XKR6: variants seen among roughly 807,000 people sequenced by gnomAD.
XKR6 encodes XK-related protein 6.
In XKR6, 22 loss-of-function variants were observed where a neutral mutation model predicts 56.7. That is an observed-to-expected ratio of 0.39 (90% confidence interval 0.28 to 0.55). The LOEUF is 0.55. XKR6 is among the 20% of genes least tolerant of loss of function. The pLI is 0.66. For missense variants in XKR6, 852 were observed against 889.0 expected, an observed-to-expected ratio of 0.96 and a Z score of 0.53; for synonymous variants, 524 against 387.8, an observed-to-expected ratio of 1.35 and a Z score of -4.13.
chr8:10,921,724 G>A (rs117049887), intron 2 of XKR6, among the ~76,000 whole-genome samples: 3,881 of 152,262 alleles, frequency 0.025, 73 homozygotes, highest in Middle Eastern at 0.065. Flanking sequence ...CTATCTGTTT[G>A]GGGTGTCAAG....
chr8:10,924,055 C>T (rs947792983), intron 2 of XKR6, among the ~76,000 whole-genome samples: 3 of 152,214 alleles, frequency 2.0e-5, no homozygotes, highest in Non-Finnish European at 4.4e-5. Context: ...TTGCCCATGA[C>T]ATCCCTTCAA....
chr8:11,022,029 A>C (rs1798759949), intron 1 of XKR6, among the ~76,000 whole-genome samples: 1 of 151,466 alleles, frequency 6.6e-6, no homozygotes, highest in Non-Finnish European at 1.5e-5. Context: ...AAGGGGAAGA[A>C]ACAAAGGCAC....
At chr8:11,015,435 G>C (rs2129147022) in intron 1 of XKR6, among the ~76,000 whole-genome samples, 1 of 152,194 alleles carries the variant, frequency 6.6e-6, no homozygotes, top group Non-Finnish European at 1.5e-5. Context: ...AAACGCACTG[G>C]AGGCTTCTTT....
intron 1 of XKR6, among the ~76,000 whole-genome samples, chr8:11,181,108 C>T (rs1802952778): frequency 2.0e-5 from 3 of 152,034 alleles, no homozygotes; most frequent in Non-Finnish European, 2.9e-5. Context: ...TGCACTAAGA[C>T]TTGTTGGTAA....
At chr8:11,007,618 A>T (rs1323525874) in intron 1 of XKR6, among the ~76,000 whole-genome samples, 1 of 152,200 alleles carries the variant, frequency 6.6e-6, no homozygotes, top group Non-Finnish European at 1.5e-5. Context: ...TGGAGGAGTC[A>T]GCTCTTCCCT....
intron 1 of XKR6, among the ~76,000 whole-genome samples, chr8:11,092,630 CAA>C (rs1405908341): frequency 6.6e-6 from 1 of 152,156 alleles, no homozygotes; most frequent in Non-Finnish European, 1.5e-5. Context: ...GCCCTGCAAA[CAA>C]GAGCCGGGAG....
chr8:11,160,627 A>G (rs375713676), intron 1 of XKR6, among the ~76,000 whole-genome samples: 53 of 152,240 alleles, frequency 3.5e-4, no homozygotes, highest in Admixed American at 1.4e-3. Flanking sequence ...AATGGTTCAC[A>G]GGCTGGGCGT....
chr8:10,930,899 T>G (rs1193611882), intron 1 of XKR6, among the ~76,000 whole-genome samples: 1 of 152,192 alleles, frequency 6.6e-6, no homozygotes, highest in Non-Finnish European at 1.5e-5. Flanking sequence ...ACCACTCCTA[T>G]TCAACATCAT....
At chr8:11,114,742 T>C (rs1286902460) in intron 1 of XKR6, among the ~76,000 whole-genome samples, 2 of 121,762 alleles carry the variant, frequency 1.6e-5, no homozygotes, top group African/African-American at 6.2e-5. Context: ...TGTGTGTGTG[T>C]GTGTGTGTGT....
intron 1 of XKR6, among the ~76,000 whole-genome samples, chr8:10,971,226 C>T (rs991322739): frequency 1.3e-5 from 2 of 151,780 alleles, no homozygotes; most frequent in African/African-American, 4.8e-5. Flanking sequence ...TCAAGATCAT[C>T]CTGGCTAACA....
intron 1 of XKR6, chr8:11,106,204 C>T (rs556959321): frequency 2.6e-5 from 4 of 152,202 alleles, no homozygotes; most frequent in African/African-American, 9.6e-5. Context: ...GGGTTCAATG[C>T]AGGTTCATGT....
intron 1 of XKR6, among the ~76,000 whole-genome samples, chr8:11,181,853 AT>A (rs779273799): frequency 3.5e-4 from 52 of 148,756 alleles, no homozygotes; most frequent in Admixed American, 8.0e-4. Flanking sequence ...GCTGTTCCTG[AT>A]TTTTTTTTTT....
intron 1 of XKR6, among the ~76,000 whole-genome samples, chr8:10,951,210 A>C (rs540063648): frequency 5.9e-5 from 9 of 152,052 alleles, no homozygotes; most frequent in African/African-American, 2.2e-4. Context: ...ACAGTGTTCA[A>C]ATGAGCAAAT....
intron 1 of XKR6, among the ~76,000 whole-genome samples, chr8:10,964,905 G>A (rs13267199): frequency 0.017 from 2,651 of 152,320 alleles, 35 homozygotes; most frequent in Non-Finnish European, 0.026. Context: ...AGTTTCCCCG[G>A]CCAGCGCTCC....
intron 1 of XKR6, among the ~76,000 whole-genome samples, chr8:11,167,100 A>G (rs1802117288): frequency 6.6e-6 from 1 of 152,168 alleles, no homozygotes; most frequent in Non-Finnish European, 1.5e-5. Context: ...GGAGATGTCG[A>G]AAAAATGTCA....
At chr8:11,114,839 A>G (rs1397982587) in intron 1 of XKR6, among the ~76,000 whole-genome samples, 1 of 151,870 alleles carries the variant, frequency 6.6e-6, no homozygotes, top group Non-Finnish European at 1.5e-5. Flanking sequence ...CCTCAGAAAT[A>G]TATTTTTGTG....
At chr8:11,052,243 G>GT (rs1359147888) in intron 1 of XKR6, among the ~76,000 whole-genome samples, 1 of 152,072 alleles carries the variant, frequency 6.6e-6, no homozygotes, top group Non-Finnish European at 1.5e-5. Context: ...CACCACCGAG[G>GT]TATCTGCTCA....
chr8:11,009,015 T>G (rs935616934), intron 1 of XKR6, among the ~76,000 whole-genome samples: 1 of 149,560 alleles, frequency 6.7e-6, no homozygotes. Context: ...AAGTGGCATA[T>G]AGGGGTGTTG....
At chr8:11,104,197 G>C (rs927107083) in intron 1 of XKR6, among the ~76,000 whole-genome samples, 1 of 152,198 alleles carries the variant, frequency 6.6e-6, no homozygotes, top group African/African-American at 2.4e-5. Flanking sequence ...GAGCAATTCA[G>C]CACGAGTTTT....
Sources: allele counts gnomAD v4.1 joint callset (sites outside exome capture counted in the v4.1 genomes callset), GRCh38; gene constraint gnomAD v4.1.1; transcripts MANE v1.5; gene names NCBI Gene and HGNC (gene_info 2026-07-23, HGNC 2026-07-21).